Variants in ELP6 observed in about 807,000 individuals in gnomAD.
ELP6 encodes the protein elongator acetyltransferase complex subunit 6.
In ELP6, 23 loss-of-function variants were observed where a neutral mutation model predicts 28.1. The observed-to-expected ratio is 0.82, with a 90% CI of 0.59 to 1.16. ELP6 has a LOEUF of 1.16. ELP6 is among the 50% of genes most tolerant of loss of function. The pLI, the probability that ELP6 is intolerant of heterozygous loss-of-function variation, is 0.00. For synonymous variants in ELP6, 132 were observed against 135.8 expected, an observed-to-expected ratio of 0.97 and a Z score of 0.19; for missense variants, 313 against 334.6, an observed-to-expected ratio of 0.94 and a Z score of 0.50.
chr3:47,497,930 A>T lies in ELP6; in HGVS notation c.672+356T>A, dbSNP rs540033357. ...TAGGTGACAGAGCAAGACTCCGTCT[A>T]AAAAAAAAAGGAACAGTGTTGACCT... On this transcript the variant is annotated intron_variant, in intron 6 of 6. Coordinates refer to ENST00000296149, the MANE Select transcript of ELP6 (RefSeq NM_001031703.3). 117 of 682,220 alleles carry T rather than the reference A, an allele frequency of 1.7e-4. No individual in the cohort carries two copies. The African/African-American group carries it at 2.1e-3, about 13-fold the overall frequency. 42.3% of individuals were successfully genotyped at this position (682,220 alleles called of 1,614,324 possible).
intron 1 of ELP6, chr3:47,512,488 T>C (rs1354852352): frequency 2.1e-6 from 1 of 480,354 alleles, no homozygotes; most frequent in African/African-American, 2.1e-5. Context: ...GGAGGTGAGG[T>C]TGCAGGGAGC....
chr3:47,501,770 C>A lies in ELP6; in HGVS notation c.405G>T (p.Arg135=), dbSNP rs1443696535. 2 of 1,608,314 alleles carry A rather than the reference C, an allele frequency of 1.2e-6. No individual in the cohort carries two copies. The highest frequency in any genetic ancestry group is 1.7e-6 in the Non-Finnish European group (2 of 1,177,808). Residue 135 remains arginine, a synonymous_variant, in exon 5 of 7, where the codon CGG becomes CGT. Coordinates refer to ENST00000296149, the MANE Select transcript of ELP6 (RefSeq NM_001031703.3). ...ALKPVDSGEA[R]WTYPVLLVDD... ...CCACCAACAGCACCGGGTACGTCCA[C>A]CGAGCCTCTCCACTGTCTACTGGCT...
At chr3:47,502,815 G>GA (rs1708707468) in intron 4 of ELP6, among the ~76,000 whole-genome samples, 1 of 152,042 alleles carries the variant, frequency 6.6e-6, no homozygotes, top group African/African-American at 2.4e-5. Flanking sequence ...ACTCCAGCTT[G>GA]GAAAACAGAG....
At chr3:47,513,432 C>T in intron 1 of ELP6, 105 bp downstream of exon 1, 1 of 1,532,968 alleles carries the variant, frequency 6.5e-7, no homozygotes, top group Non-Finnish European at 8.7e-7. Flanking sequence ...GTACCCCGTG[C>T]CGGGTCGTCG....
At chr3:47,511,297 C>A in intron 1 of ELP6, 71 bp from the exon 2 acceptor site, 1 of 1,545,444 alleles carries the variant, frequency 6.5e-7, no homozygotes, top group South Asian at 1.2e-5. Context: ...GAAATCTAGT[C>A]AATTGTGTCC....
intron 6 of ELP6, chr3:47,497,850 G>C (rs1391535187): frequency 3.6e-6 from 2 of 561,652 alleles, no homozygotes; most frequent in Non-Finnish European, 4.5e-6. Flanking sequence ...AGAATTGCTT[G>C]AACCCAGGAG....
intron 3 of ELP6, among the ~76,000 whole-genome samples, chr3:47,506,021 G>A (rs943466844): frequency 5.9e-5 from 9 of 152,204 alleles, no homozygotes; most frequent in Middle Eastern, 3.4e-3. Context: ...AGCGTTGGCC[G>A]GCTTGAGAAA....
chr3:47,511,087 G>T (rs1335988320), intron 2 of ELP6, 61 bp downstream of exon 2: 8 of 1,457,992 alleles, frequency 5.5e-6, no homozygotes, highest in African/African-American at 4.2e-5. Flanking sequence ...AATAGTTTTG[G>T]TTTTTATTAT....
chr3:47,504,502 C>T (rs1016150748), intron 3 of ELP6, 54 bp from the exon 4 acceptor site: 9 of 1,516,938 alleles, frequency 5.9e-6, no homozygotes, highest in Non-Finnish European at 8.0e-6. Context: ...ACCCATCAGA[C>T]TAGATGCCAG....
chr3:47,510,296 C>T, intron 2 of ELP6, 42 bp from the exon 3 acceptor site: 8 of 1,519,568 alleles, frequency 5.3e-6, no homozygotes, highest in Non-Finnish European at 7.3e-6. Context: ...CCTCTGGTTA[C>T]AACCAGACTC....
chr3:47,505,860 C>A (rs1708819330), intron 3 of ELP6, among the ~76,000 whole-genome samples: 1 of 152,222 alleles, frequency 6.6e-6, no homozygotes, highest in Non-Finnish European at 1.5e-5. Context: ...GCGTGAGCCA[C>A]CGTGCCCGGC....
At chr3:47,498,742 C>CA in intron 5 of ELP6, 3 of 984,128 alleles carry the variant, frequency 3.0e-6, no homozygotes, top group Non-Finnish European at 3.6e-6. Flanking sequence ...ACCATCCTGC[C>CA]AGGCAACCAT....
chr3:47,512,646 G>C (rs1709047689), intron 1 of ELP6: 1 of 985,456 alleles, frequency 1.0e-6, no homozygotes, highest in East Asian at 1.1e-4. Context: ...CCCGGAGTGT[G>C]AGGAGGGTGG....
At chr3:47,500,696 C>T (rs1708623344) in intron 5 of ELP6, among the ~76,000 whole-genome samples, 1 of 152,176 alleles carries the variant, frequency 6.6e-6, no homozygotes, top group South Asian at 2.1e-4. Flanking sequence ...TCCTCCTCCT[C>T]CCATTCTTTC....
intron 2 of ELP6, 87 bp downstream of exon 2, chr3:47,511,061 T>G: frequency 8.8e-7 from 1 of 1,139,112 alleles, no homozygotes; most frequent in South Asian, 1.3e-5. Flanking sequence ...TTGTAAATGC[T>G]GTTATTGCTT....
At chr3:47,503,148 C>T in intron 4 of ELP6, 3 of 1,144,052 alleles carry the variant, frequency 2.6e-6, no homozygotes, top group Non-Finnish European at 3.3e-6. Context: ...ATAACCAGCC[C>T]CTGCCTTCAA....
chr3:47,496,246 C>T, intron 6 of ELP6, 49 bp from the exon 7 acceptor site: 10 of 1,598,464 alleles, frequency 6.3e-6, no homozygotes, highest in Non-Finnish European at 8.5e-6. Flanking sequence ...CCAGGACCTG[C>T]TCCACTGGGA....
At chr3:47,503,418 C>T (rs1708726460) in intron 4 of ELP6, 1 of 1,289,550 alleles carries the variant, frequency 7.8e-7, no homozygotes, top group Non-Finnish European at 1.0e-6. Flanking sequence ...ATGTTGAATA[C>T]CAAACCAGGG....
chr3:47,498,140 C>T (rs1314658252), intron 6 of ELP6, 146 bp downstream of exon 6: 1 of 1,386,052 alleles, frequency 7.2e-7, no homozygotes, highest in African/African-American at 1.4e-5. Context: ...AGGTCTATTA[C>T]CTGAAGTCTC....
Sources: allele counts gnomAD v4.1 joint callset (sites outside exome capture counted in the v4.1 genomes callset), GRCh38; gene constraint gnomAD v4.1.1; transcripts MANE v1.5; gene names NCBI Gene and HGNC (gene_info 2026-07-23, HGNC 2026-07-21).